Variants in LNPEP observed in about 807,000 individuals in gnomAD.
LNPEP encodes the protein leucyl-cystinyl aminopeptidase.
Under a neutral mutation model 120.6 loss-of-function variants are expected in LNPEP, and 64 were observed. The ratio of observed to expected loss-of-function variants is 0.53; its 90% CI spans 0.43 to 0.65. The LOEUF (loss-of-function observed/expected upper bound fraction) is 0.65. Ranked by LOEUF, LNPEP falls within the 30% of genes least tolerant of loss-of-function variation. LNPEP has a pLI of 0.00. For synonymous variants in LNPEP, 435 were observed against 425.4 expected, an observed-to-expected ratio of 1.02 and a Z score of -0.28; for missense variants, 1,057 against 1,200.0, an observed-to-expected ratio of 0.88 and a Z score of 1.76.
intron 1 of LNPEP, among the ~76,000 whole-genome samples, chr5:96,968,545 T>C (rs1229667371): frequency 6.6e-6 from 1 of 152,144 alleles, no homozygotes; most frequent in African/African-American, 2.4e-5. Flanking sequence ...TATAACCTTT[T>C]TGTCTTAAGA....
chr5:97,015,914 A>C (rs1791055920), intron 13 of LNPEP, among the ~76,000 whole-genome samples: 1 of 151,946 alleles, frequency 6.6e-6, no homozygotes, highest in Admixed American at 6.6e-5. Context: ...TTTTTATTAT[A>C]CTTTAAGTTC....
chr5:96,998,159 C>G lies in LNPEP; in HGVS notation c.1653+14C>G, dbSNP rs761651061. 1.9e-6 allele frequency: 3 copies of G among 1,576,222 alleles called. No individual in the cohort carries two copies. The highest frequency in any genetic ancestry group is 2.6e-6 in the Non-Finnish European group (3 of 1,165,660). ...TCCTATTTTAAGGTATTGCTGTGAA[C>G]AAAAAGGTAGCTGGAGTGGGTTTAA... is the stretch of plus-strand genomic sequence containing the variant. On this transcript the variant is annotated intron_variant, in intron 8 of 17. Coordinates refer to ENST00000231368, the MANE Select transcript of LNPEP (RefSeq NM_005575.3).
chr5:96,950,134 C>G (rs1185918376), intron 1 of LNPEP, among the ~76,000 whole-genome samples: 2 of 152,158 alleles, frequency 1.3e-5, no homozygotes, highest in Non-Finnish European at 2.9e-5. Flanking sequence ...AAATAGGAAA[C>G]CCTCTCAGTG....
chr5:97,034,552 A>G lies in LNPEP; in HGVS notation c.*6019A>G, dbSNP rs1341086438. ...GTTTGGAGTTGTAGGAATCAAATGT[A>G]ATGAGGGACCCAGACCCGAGAGTGT... On this transcript the variant is annotated 3_prime_UTR_variant, in exon 18 of 18. Transcript: ENST00000231368. 1 of 151,774 alleles carries G rather than the reference A, an allele frequency of 6.6e-6. No individual in the cohort carries two copies. The allele number at this position is 151,774 out of a possible 1,614,324, so 9.4% of individuals were successfully genotyped here.
intron 8 of LNPEP, among the ~76,000 whole-genome samples, chr5:97,001,026 G>A (rs1167448314): frequency 6.6e-6 from 1 of 152,218 alleles, no homozygotes; most frequent in Non-Finnish European, 1.5e-5. Flanking sequence ...TATAGGGTCT[G>A]CTAAGCCATA....
At chr5:97,001,140 A>G (rs1301486066) in intron 8 of LNPEP, among the ~76,000 whole-genome samples, 1 of 152,250 alleles carries the variant, frequency 6.6e-6, no homozygotes, top group Non-Finnish European at 1.5e-5. Flanking sequence ...CTTCAACAGT[A>G]CATGGAGTAA....
rs1308905721 is a variant in LNPEP at position 96,979,123 on chromosome 5, G to T, written c.20-15G>T. ...TTCTAACTCTGTGCCTTGTTCTTAT[G>T]TTTTGGTTTTTTAGATCGGCTTCAG... On this transcript the variant is annotated splice_polypyrimidine_tract_variant and intron_variant, in intron 1 of 17. Coordinates refer to ENST00000231368, the MANE Select transcript of LNPEP (RefSeq NM_005575.3). 1 of 1,573,606 alleles carries T rather than the reference G, an allele frequency of 6.4e-7. No individual in the cohort carries two copies.
At position 97,013,770 on chromosome 5, in the gene LNPEP, C is replaced by T; in HGVS notation, c.2158C>T (p.Pro720Ser). 1 of 1,611,676 alleles carries T rather than the reference C, an allele frequency of 6.2e-7. No homozygotes were observed. ...EALIHQLKIN[P>S]YVLSDKDRAN... ...ACTAATCCATCAGTTGAAAATAAAT[C>T]CTTATGTTCTGAGTGACAAAGACCG... The change falls in exon 12 of 18, where the codon CCT (proline) becomes TCT (serine). Residue 720 changes from proline to serine, a missense_variant. Coordinates refer to ENST00000231368, the MANE Select transcript of LNPEP (RefSeq NM_005575.3).
intron 13 of LNPEP, among the ~76,000 whole-genome samples, chr5:97,019,942 G>A (rs1791151652): frequency 6.6e-6 from 1 of 152,122 alleles, no homozygotes; most frequent in Admixed American, 6.5e-5. Context: ...TGCATTGCTT[G>A]TCCGTTCCTT....
chr5:96,990,142 A>G (rs7713681), intron 4 of LNPEP, among the ~76,000 whole-genome samples: 173 of 152,316 alleles, frequency 1.1e-3, no homozygotes, highest in African/African-American at 4.0e-3. Context: ...CTTAAATTCT[A>G]TTGATCTTGT....
intron 1 of LNPEP, among the ~76,000 whole-genome samples, chr5:96,973,294 T>G (rs1042786940): frequency 6.6e-6 from 1 of 152,106 alleles, no homozygotes; most frequent in Non-Finnish European, 1.5e-5. Context: ...ACCTTTTTTT[T>G]GTTCTAAATT....
At chr5:96,943,409 C>T (rs1789108771) in intron 1 of LNPEP, among the ~76,000 whole-genome samples, 1 of 152,158 alleles carries the variant, frequency 6.6e-6, no homozygotes, top group South Asian at 2.1e-4. Flanking sequence ...GCCTCAGCCT[C>T]CCGAGTAACT....
chr5:96,972,242 T>C (rs910264986), intron 1 of LNPEP, among the ~76,000 whole-genome samples: 1 of 151,928 alleles, frequency 6.6e-6, no homozygotes, highest in African/African-American at 2.4e-5. Context: ...AAATACTTTT[T>C]CCCCTGTGGA....
At chr5:96,978,037 C>T (rs376515879) in intron 1 of LNPEP, among the ~76,000 whole-genome samples, 1 of 151,808 alleles carries the variant, frequency 6.6e-6, no homozygotes, top group African/African-American at 2.4e-5. Context: ...AGAATACTTG[C>T]CATTTTATAG....
chr5:97,005,103 A>G (rs535507212), intron 9 of LNPEP, among the ~76,000 whole-genome samples: 1 of 152,322 alleles, frequency 6.6e-6, no homozygotes, highest in Non-Finnish European at 1.5e-5. Flanking sequence ...TTCAGAAATA[A>G]ATAGGTCAGA....
intron 16 of LNPEP, among the ~76,000 whole-genome samples, chr5:97,027,129 G>A (rs962924637): frequency 4.6e-5 from 7 of 152,120 alleles, no homozygotes; most frequent in African/African-American, 9.7e-5. Flanking sequence ...CGAGATGGGC[G>A]GATCACGAGG....
chr5:96,945,249 TA>T (rs34815125), intron 1 of LNPEP, among the ~76,000 whole-genome samples: 65,968 of 148,400 alleles, frequency 0.44, 14,634 homozygotes, highest in Non-Finnish European at 0.49. Flanking sequence ...AATTAAAAAT[TA>T]AAAAAAAAAA....
chr5:97,012,864 C>T (rs1215861090), intron 11 of LNPEP, among the ~76,000 whole-genome samples: 1 of 152,040 alleles, frequency 6.6e-6, no homozygotes, highest in African/African-American at 2.4e-5. Context: ...TTGTTTTAAC[C>T]CAATTATTTC....
intron 15 of LNPEP, 69 bp downstream of exon 15, chr5:97,024,751 A>T (rs1490584124): frequency 2.9e-5 from 41 of 1,437,012 alleles, no homozygotes; most frequent in Non-Finnish European, 3.9e-5. Flanking sequence ...CTTGGTCAGG[A>T]GCTCATTTTT....
Sources: gnomAD v4.1 joint callset for allele counts (sites outside exome capture counted in the v4.1 genomes callset) on GRCh38, gnomAD v4.1.1 for gene constraint, MANE v1.5 for transcripts, NCBI Gene and HGNC (gene_info 2026-07-23, HGNC 2026-07-21) for gene names.